Variants in LMX1B observed in about 807,000 individuals in gnomAD.
LMX1B encodes LIM homeobox transcription factor 1-beta.
In LMX1B, 12 loss-of-function variants were observed where a neutral mutation model predicts 51.4. The observed-to-expected ratio is 0.23, with a 90% CI of 0.15 to 0.38. The LOEUF is 0.38. LMX1B is among the 10% of genes least tolerant of loss of function. The probability of loss-of-function intolerance (pLI) is 1.00; values close to 1 mark genes in which losing one functional copy is unlikely to be tolerated. For missense variants in LMX1B, 445 were observed against 571.1 expected (o/e 0.78, Z 2.25); for synonymous variants, 237 against 235.4 (o/e 1.01, Z -0.06).
At chr9:126,688,260 G>A (rs1417341210) in intron 2 of LMX1B, among the ~76,000 whole-genome samples, 2 of 152,188 alleles carry the variant, frequency 1.3e-5, no homozygotes, top group East Asian at 1.9e-4. Context: ...AGGCATTAGC[G>A]CGGCTGTTCT....
chr9:126,676,915 A>G (rs964352752), intron 2 of LMX1B, among the ~76,000 whole-genome samples: 1 of 152,214 alleles, frequency 6.6e-6, no homozygotes, highest in East Asian at 1.9e-4. Flanking sequence ...AGCTTCCTCA[A>G]TAATCGCTCT....
intron 2 of LMX1B, among the ~76,000 whole-genome samples, chr9:126,644,203 T>C (rs1431754428): frequency 6.6e-6 from 1 of 152,140 alleles, no homozygotes; most frequent in African/African-American, 2.4e-5. Flanking sequence ...GCTGAAGTCG[T>C]TTCCCAGGCT....
chr9:126,662,450 G>T (rs1836264332), intron 2 of LMX1B, among the ~76,000 whole-genome samples: 1 of 152,212 alleles, frequency 6.6e-6, no homozygotes, highest in African/African-American at 2.4e-5. Context: ...ACCAGGATCT[G>T]TTTGCTTGAG....
At chr9:126,645,779 T>C (rs1835889039) in intron 2 of LMX1B, among the ~76,000 whole-genome samples, 1 of 152,160 alleles carries the variant, frequency 6.6e-6, no homozygotes, top group Non-Finnish European at 1.5e-5. Flanking sequence ...GGATTCCATG[T>C]TTAAGAGTTG....
chr9:126,628,080 A>C lies in LMX1B; in HGVS notation c.326+12511A>C, dbSNP rs549417774. Among the ~76,000 whole-genome samples, 256 of 152,206 alleles carry C rather than the reference A, an allele frequency of 1.7e-3. 4 individuals carry two copies. The highest frequency in any genetic ancestry group is 6.8e-3 in the Middle Eastern group (2 of 294). ...CGTGGCTTGGGAATGCGGTCTACTA[A>C]ACTGGGACCTTGGGGGACAAAAGCC... On this transcript the variant is annotated intron_variant, in intron 2 of 7. Transcript: ENST00000373474.
Position 126,696,535 on chromosome 9 carries a change from G to T in LMX1B, c.*84G>T, listed in dbSNP as rs970759713. On this transcript the variant is annotated 3_prime_UTR_variant, in exon 8 of 8. Coordinates refer to ENST00000373474, the MANE Select transcript of LMX1B (RefSeq NM_001174147.2). ...CGGCCAGCCTGGCCACCCCCGCCCT[G>T]CTCTCCGCACAGACTACAGACAGCC... 3.7e-5 allele frequency: 56 copies of T among 1,506,774 alleles called. No homozygotes were observed. Among genetic ancestry groups the T allele is most frequent in the Non-Finnish European group, 4.8e-5 (52 of 1,087,534 alleles). 93.3% of individuals were successfully genotyped at this position (1,506,774 alleles called of 1,614,324 possible).
intron 3 of LMX1B, among the ~76,000 whole-genome samples, chr9:126,692,488 G>A (rs967247489): frequency 3.9e-5 from 6 of 152,222 alleles, no homozygotes; most frequent in Admixed American, 2.6e-4. Flanking sequence ...GCTTCCGCAC[G>A]CTGTGTGTGT....
intron 2 of LMX1B, among the ~76,000 whole-genome samples, chr9:126,686,121 A>C (rs1836761904): frequency 6.6e-6 from 1 of 152,054 alleles, no homozygotes; most frequent in Admixed American, 6.5e-5. Flanking sequence ...CTACTAAAAA[A>C]TACAAAAAAT....
chr9:126,621,652 C>CCTTTTTTT (rs1564145908), intron 2 of LMX1B, among the ~76,000 whole-genome samples: 1 of 100,306 alleles, frequency 1.0e-5, no homozygotes, highest in African/African-American at 4.6e-5. Flanking sequence ...CTCTCTCTCT[C>CCTTTTTTT]TTCTTTTTTT....
chr9:126,617,065 A>G (rs1011490334), intron 2 of LMX1B, among the ~76,000 whole-genome samples: 3 of 152,212 alleles, frequency 2.0e-5, no homozygotes, highest in African/African-American at 4.8e-5. Context: ...CTCTGAACTA[A>G]TATGATTCTA....
intron 2 of LMX1B, among the ~76,000 whole-genome samples, chr9:126,654,524 A>G (rs1836077274): frequency 6.6e-6 from 1 of 152,222 alleles, no homozygotes; most frequent in African/African-American, 2.4e-5. Context: ...TGGCATGCCC[A>G]CTTAGGGTGG....
chr9:126,622,510 C>T (rs1016980328), intron 2 of LMX1B, among the ~76,000 whole-genome samples: 6 of 152,300 alleles, frequency 3.9e-5, no homozygotes, highest in East Asian at 3.9e-4. Context: ...CTCCCCCAAG[C>T]GCCTCCCCAG....
intron 2 of LMX1B, among the ~76,000 whole-genome samples, chr9:126,663,578 A>C (rs1204490937): frequency 6.6e-6 from 1 of 152,220 alleles, no homozygotes; most frequent in East Asian, 1.9e-4. Context: ...GATAATAGTA[A>C]CCCTTGTCTC....
chr9:126,654,963 A>G (rs981417061), intron 2 of LMX1B, among the ~76,000 whole-genome samples: 1 of 151,586 alleles, frequency 6.6e-6, no homozygotes, highest in Admixed American at 6.6e-5. Context: ...TCACTGCCAT[A>G]CCCCCATCCC....
intron 2 of LMX1B, among the ~76,000 whole-genome samples, chr9:126,665,471 G>T (rs1267794973): frequency 6.6e-6 from 1 of 152,260 alleles, no homozygotes; most frequent in Non-Finnish European, 1.5e-5. Flanking sequence ...TGGAGAAAAG[G>T]CTCGCCCAGT....
intron 2 of LMX1B, among the ~76,000 whole-genome samples, chr9:126,636,216 C>T (rs2118870637): frequency 6.6e-6 from 1 of 152,232 alleles, no homozygotes; most frequent in African/African-American, 2.4e-5. Context: ...CACAGCCCTC[C>T]CCAGTGGCAG....
At chr9:126,683,790 G>C (rs1238217382) in intron 2 of LMX1B, among the ~76,000 whole-genome samples, 2 of 152,232 alleles carry the variant, frequency 1.3e-5, no homozygotes, top group Non-Finnish European at 1.5e-5. Context: ...GGGAAAACCA[G>C]TTCAGAGAGC....
Position 126,696,367 on chromosome 9 carries a change from C to T in LMX1B, c.1125C>T (p.Ser375=), listed in dbSNP as rs560518360. Residue 375 remains serine, a synonymous_variant, in exon 8 of 8, where the codon TCC becomes TCT. Transcript: ENST00000373474. ...GCCTCAGCGACTGCTTCCTCGGCTCCTCAGACGTGGGCTCCCTGCAGGCCC... is the reference window on the plus strand; with the variant it reads ...GCCTCAGCGACTGCTTCCTCGGCTCTTCAGACGTGGGCTCCCTGCAGGCCC... ...LTSLSDCFLG[S]SDVGSLQARV... is the part of the protein sequence containing the mutation. 3.7e-6 allele frequency: 6 copies of T among 1,614,136 alleles called. No homozygotes were observed. In the South Asian group the frequency reaches 6.6e-5, roughly 18 times the overall value.
chr9:126,669,073 G>C (rs530392071), intron 2 of LMX1B, among the ~76,000 whole-genome samples: 13 of 152,244 alleles, frequency 8.5e-5, no homozygotes, highest in Admixed American at 8.5e-4. Context: ...GGGCTCTCTG[G>C]CAGCTTGAGC....
Sources: gnomAD v4.1 joint callset for allele counts (sites outside exome capture counted in the v4.1 genomes callset) on GRCh38, gnomAD v4.1.1 for gene constraint, MANE v1.5 for transcripts, NCBI Gene and HGNC (gene_info 2026-07-23, HGNC 2026-07-21) for gene names.